The following NCAM1 variants were observed in gnomAD, a reference collection of about 807,000 sequenced individuals.
NCAM1 encodes the protein neural cell adhesion molecule 1.
A neutral mutation model predicts 109.8 loss-of-function variants in NCAM1; 14 were observed. That is an observed-to-expected ratio of 0.13 (90% CI 0.08 to 0.20). The LOEUF (loss-of-function observed/expected upper bound fraction) is 0.20, where lower values mean the gene tolerates loss of function less well. NCAM1 is among the 10% of genes least tolerant of loss of function. The pLI, the probability that NCAM1 is intolerant of heterozygous loss-of-function variation, is 1.00. For missense variants in NCAM1, 774 were observed against 1,109.9 expected, an observed-to-expected ratio of 0.70 and a Z score of 4.30; for synonymous variants, 418 against 442.9, an observed-to-expected ratio of 0.94 and a Z score of 0.70.
chr11:113,132,038 G>A (rs1200373199), intron 1 of NCAM1, among the ~76,000 whole-genome samples: 2 of 152,168 alleles, frequency 1.3e-5, no homozygotes, highest in Admixed American at 1.3e-4. Flanking sequence ...GTTCAGATGA[G>A]GAGAGGGACA....
intron 1 of NCAM1, among the ~76,000 whole-genome samples, chr11:113,124,651 G>A (rs966910717): frequency 6.6e-6 from 1 of 152,140 alleles, no homozygotes; most frequent in Non-Finnish European, 1.5e-5. Context: ...TATTTATTTT[G>A]GAAGGGCTTT....
At chr11:113,066,887 C>G (rs1316537522) in intron 1 of NCAM1, among the ~76,000 whole-genome samples, 1 of 151,504 alleles carries the variant, frequency 6.6e-6, no homozygotes, top group Non-Finnish European at 1.5e-5. Flanking sequence ...GCCTGTAGTC[C>G]CAGTTGCTCC....
chr11:112,987,318 G>T (rs1346236984), intron 1 of NCAM1, among the ~76,000 whole-genome samples: 1 of 152,148 alleles, frequency 6.6e-6, no homozygotes, highest in African/African-American at 2.4e-5. Context: ...CTAACATATG[G>T]TCTGTCCTGG....
At chr11:113,188,978 G>A (rs1555109348) in intron 1 of NCAM1, among the ~76,000 whole-genome samples, 1 of 152,110 alleles carries the variant, frequency 6.6e-6, no homozygotes, top group Non-Finnish European at 1.5e-5. Context: ...AAAGGCATTT[G>A]TTCTCCTGAA....
intron 1 of NCAM1, among the ~76,000 whole-genome samples, chr11:113,181,619 C>T (rs1307446399): frequency 1.3e-5 from 2 of 151,994 alleles, no homozygotes; most frequent in African/African-American, 4.8e-5. Flanking sequence ...ACCACCATGG[C>T]GCATGTTTAC....
chr11:113,181,498 A>G (rs1336070786), intron 1 of NCAM1, among the ~76,000 whole-genome samples: 2 of 152,166 alleles, frequency 1.3e-5, no homozygotes, highest in Non-Finnish European at 2.9e-5. Context: ...ATGCGGAACA[A>G]CACACACTGG....
At chr11:113,059,046 A>G (rs1953822753) in intron 1 of NCAM1, among the ~76,000 whole-genome samples, 1 of 152,218 alleles carries the variant, frequency 6.6e-6, no homozygotes, top group Non-Finnish European at 1.5e-5. Flanking sequence ...AACTAGGAGA[A>G]TGGCTGGACG....
chr11:113,206,302 G>C (rs1944236350), intron 5 of NCAM1, 122 bp downstream of exon 5: 2 of 1,011,510 alleles, frequency 2.0e-6, no homozygotes, highest in South Asian at 4.3e-5. Flanking sequence ...TCATCCGTCT[G>C]AGCTAAATCC....
At chr11:113,070,350 CT>C (rs1938203299) in intron 1 of NCAM1, among the ~76,000 whole-genome samples, 1 of 151,954 alleles carries the variant, frequency 6.6e-6, no homozygotes, top group Admixed American at 6.5e-5. Context: ...ATGACAGTGC[CT>C]TTGGGATTAA....
intron 1 of NCAM1, among the ~76,000 whole-genome samples, chr11:113,089,976 T>A (rs1452688884): frequency 2.0e-5 from 3 of 152,182 alleles, no homozygotes; most frequent in Admixed American, 2.0e-4. Flanking sequence ...ATATTCAACT[T>A]AATATTATGC....
intron 1 of NCAM1, among the ~76,000 whole-genome samples, chr11:113,013,604 C>T (rs1952130371): frequency 6.6e-6 from 1 of 152,112 alleles, no homozygotes. Context: ...TTTATACTGT[C>T]TCTGTTCTTC....
At chr11:113,100,297 G>A (rs1939813327) in intron 1 of NCAM1, among the ~76,000 whole-genome samples, 1 of 152,116 alleles carries the variant, frequency 6.6e-6, no homozygotes, top group Admixed American at 6.6e-5. Flanking sequence ...GCTGGGGTGA[G>A]CACTTTTGGG....
intron 1 of NCAM1, among the ~76,000 whole-genome samples, chr11:112,992,501 TTC>T (rs1951486431): frequency 6.6e-6 from 1 of 151,252 alleles, no homozygotes; most frequent in Non-Finnish European, 1.5e-5. Flanking sequence ...CTCTTTTTTT[TTC>T]TTTTTTTTTT....
At position 113,263,538 on chromosome 11, in the gene NCAM1, C is replaced by A; in HGVS notation, c.2131+3215C>A. The A allele has an allele frequency of 3.0e-6, 3 of 985,832 alleles. No homozygotes were observed. The South Asian group carries it at 1.4e-4, about 46-fold the overall frequency. The allele number at this position is 985,832 out of a possible 1,614,324, so 61.1% of individuals were successfully genotyped here. On this transcript the variant is annotated intron_variant, in intron 17 of 19. Coordinates refer to ENST00000316851, the MANE Select transcript of NCAM1 (RefSeq NM_181351.5). ...AAAAGTTGAATTTGTTGGATATTTT[C>A]TGGGGCTGATGAACGTTCTGGGATG...
At chr11:113,248,486 C>T (rs111501375) in intron 15 of NCAM1, among the ~76,000 whole-genome samples, 2 of 152,092 alleles carry the variant, frequency 1.3e-5, no homozygotes, top group East Asian at 1.9e-4. Context: ...TTATCACCTC[C>T]TCTCCCTGGG....
At chr11:113,070,714 C>T (rs1555085162) in intron 1 of NCAM1, among the ~76,000 whole-genome samples, 1 of 151,944 alleles carries the variant, frequency 6.6e-6, no homozygotes, top group African/African-American at 2.4e-5. Flanking sequence ...GGGAAGCAGG[C>T]CTGGAAGCTG....
chr11:113,162,130 G>A (rs782010233), intron 1 of NCAM1, among the ~76,000 whole-genome samples: 1 of 152,184 alleles, frequency 6.6e-6, no homozygotes, highest in Non-Finnish European at 1.5e-5. Flanking sequence ...GTTCCTTGGG[G>A]GGAGGAGCAG....
chr11:113,012,557 A>G (rs1422922614), intron 1 of NCAM1, among the ~76,000 whole-genome samples: 2 of 152,170 alleles, frequency 1.3e-5, no homozygotes, highest in East Asian at 3.9e-4. Context: ...TGGTGGGACC[A>G]TGCTTCCCTT....
chr11:113,149,492 G>A (rs1555102010), intron 1 of NCAM1, among the ~76,000 whole-genome samples: 4 of 152,046 alleles, frequency 2.6e-5, no homozygotes, highest in African/African-American at 9.7e-5. Context: ...GATGAAGGAA[G>A]GATCAGAAGG....
Sources: gnomAD v4.1 joint callset for allele counts (sites outside exome capture counted in the v4.1 genomes callset) on GRCh38, gnomAD v4.1.1 for gene constraint, MANE v1.5 for transcripts, NCBI Gene and HGNC (gene_info 2026-07-23, HGNC 2026-07-21) for gene names.